BABAM2: variants seen among roughly 807,000 people sequenced by gnomAD.
The protein encoded by BABAM2 is BRISC and BRCA1 A complex member 2.
Under a neutral mutation model 54.7 loss-of-function variants are expected in BABAM2, and 31 were observed. That is an observed-to-expected ratio of 0.57 (90% CI 0.43 to 0.77). BABAM2 has a LOEUF of 0.77. BABAM2 is among the 30% of genes least tolerant of loss of function. The pLI is 0.00. For synonymous variants in BABAM2, 167 were observed against 162.9 expected (o/e 1.03, Z -0.19); for missense variants, 364 against 455.8 (o/e 0.80, Z 1.83).
intron 2 of BABAM2, among the ~76,000 whole-genome samples, chr2:27,921,840 A>G (rs1353721249): frequency 6.6e-6 from 1 of 152,246 alleles, no homozygotes; most frequent in Non-Finnish European, 1.5e-5. Flanking sequence ...AAAACCTTCC[A>G]CAAATAATCA....
intron 11 of BABAM2, among the ~76,000 whole-genome samples, chr2:28,303,222 T>G (rs767717983): frequency 3.3e-5 from 5 of 152,212 alleles, no homozygotes; most frequent in Non-Finnish European, 7.3e-5. Context: ...AAATGAAATC[T>G]GTTTTTTACG....
At chr2:28,263,848 A>C (rs942421401) in intron 10 of BABAM2, among the ~76,000 whole-genome samples, 1 of 152,162 alleles carries the variant, frequency 6.6e-6, no homozygotes, top group African/African-American at 2.4e-5. Context: ...TTGTACTATG[A>C]GTCTTTTGAA....
At chr2:27,918,286 T>A (rs1384648601) in intron 2 of BABAM2, among the ~76,000 whole-genome samples, 1 of 152,194 alleles carries the variant, frequency 6.6e-6, no homozygotes, top group Admixed American at 6.5e-5. Context: ...TTTCTCTGAC[T>A]GTGAATTTGA....
At chr2:28,241,526 G>A (rs569206944) in intron 9 of BABAM2, 133 bp downstream of exon 9, 20 of 790,462 alleles carry the variant, frequency 2.5e-5, no homozygotes, top group Middle Eastern at 2.6e-4. Flanking sequence ...AGACAGTCTC[G>A]CTCTGTCACC....
intron 6 of BABAM2, among the ~76,000 whole-genome samples, chr2:28,124,791 T>C (rs1669364717): frequency 6.6e-6 from 1 of 152,142 alleles, no homozygotes; most frequent in Non-Finnish European, 1.5e-5. Context: ...CCTAAAAATA[T>C]ATTCCAGAGG....
chr2:28,098,367 G>A (rs1240238307), intron 6 of BABAM2, among the ~76,000 whole-genome samples: 3 of 152,152 alleles, frequency 2.0e-5, no homozygotes, highest in Non-Finnish European at 4.4e-5. Context: ...TAGGCTTGTA[G>A]TAGTTTTAGA....
In BABAM2 at chr2:27,928,465, T is replaced by TC. The variant is rs80044726; in HGVS notation, c.129-1367_129-1366insC. ...GCGCCTGGCCACTGTCTGGTTCTTT[T>TC]TCACATTCAAATCGTTTTGGGGAAA... On this transcript the variant is annotated intron_variant, in intron 2 of 11. Transcript: ENST00000379624. Among the ~76,000 whole-genome samples the TC allele has an allele frequency of 1.4e-4, 22 of 151,916 alleles. 1 individual carries two copies. The South Asian group carries it at 3.5e-3, about 24-fold the overall frequency.
intron 7 of BABAM2, among the ~76,000 whole-genome samples, chr2:28,212,958 C>A (rs1029923603): frequency 3.3e-4 from 50 of 152,304 alleles, no homozygotes; most frequent in African/African-American, 1.2e-3. Context: ...GTGGCTCACA[C>A]CTGTAATCCC....
intron 7 of BABAM2, among the ~76,000 whole-genome samples, chr2:28,161,630 A>T (rs1405563132): frequency 6.6e-6 from 1 of 152,090 alleles, no homozygotes; most frequent in African/African-American, 2.4e-5. Flanking sequence ...CCAGCATCTT[A>T]CCCTGAAACC....
chr2:28,335,193 T>A (rs183040261), intron 11 of BABAM2, among the ~76,000 whole-genome samples: 1 of 136,122 alleles, frequency 7.3e-6, no homozygotes, highest in East Asian at 2.2e-4. Context: ...AGACAGAGTC[T>A]GGCTCTGCCG....
intron 4 of BABAM2, among the ~76,000 whole-genome samples, chr2:28,022,526 G>C (rs908132707): frequency 2.6e-5 from 4 of 152,092 alleles, no homozygotes; most frequent in African/African-American, 9.7e-5. Context: ...TTTTGCTTTT[G>C]TTTATTTTCT....
At chr2:28,089,447 C>T (rs1267053687) in intron 6 of BABAM2, among the ~76,000 whole-genome samples, 1 of 152,194 alleles carries the variant, frequency 6.6e-6, no homozygotes, top group Non-Finnish European at 1.5e-5. Context: ...TAAAATACAA[C>T]TTTAGCACCT....
chr2:28,169,775 CAAA>C (rs200601294), intron 7 of BABAM2, among the ~76,000 whole-genome samples: 3 of 100,838 alleles, frequency 3.0e-5, no homozygotes, highest in Non-Finnish European at 4.1e-5. Context: ...GACTCTGTCT[CAAA>C]AAAAAAAAAA....
chr2:27,994,853 A>T (rs1036081948), intron 4 of BABAM2, among the ~76,000 whole-genome samples: 1 of 152,214 alleles, frequency 6.6e-6, no homozygotes, highest in East Asian at 1.9e-4. Flanking sequence ...TATAGATGAT[A>T]GGACAGTTTG....
chr2:28,185,646 G>A (rs1023755683), intron 7 of BABAM2, among the ~76,000 whole-genome samples: 3 of 152,132 alleles, frequency 2.0e-5, no homozygotes, highest in African/African-American at 7.2e-5. Flanking sequence ...CATTAAAAGA[G>A]AGTGAGATGA....
At chr2:28,148,483 C>T (rs1671714802) in intron 7 of BABAM2, among the ~76,000 whole-genome samples, 1 of 152,194 alleles carries the variant, frequency 6.6e-6, no homozygotes, top group African/African-American at 2.4e-5. Flanking sequence ...TGAAGGAGTC[C>T]ATCAAGCCAT....
In BABAM2 at chr2:27,894,669, C is replaced by T. The variant is rs201837586; in HGVS notation, c.113C>T (p.Thr38Ile). ...GATGCTACAAACTGTTTGAGGATAA[C>T]TGACTTAAAATCTGGGTATGTACCA... is the stretch of plus-strand genomic sequence containing the variant. ...GLDATNCLRI[T>I]DLKSGCTSLT... The change falls in exon 2 of 12, where the codon ACT becomes ATT. Residue 38 changes from threonine to isoleucine, a missense_variant. Thr to Ile is a moderately conservative substitution (Grantham distance 89). Transcript: ENST00000379624. The T allele has an allele frequency of 1.9e-5, 31 of 1,614,006 alleles. No homozygotes were observed. Among genetic ancestry groups the T allele is most frequent in the Non-Finnish European group, 5.1e-6 (6 of 1,180,008 alleles).
At chr2:28,180,986 AG>A (rs1675565354) in intron 7 of BABAM2, among the ~76,000 whole-genome samples, 1 of 152,190 alleles carries the variant, frequency 6.6e-6, no homozygotes, top group African/African-American at 2.4e-5. Flanking sequence ...TGCAGAGAAA[AG>A]GGAACCCTTA....
At chr2:28,133,753 G>A (rs1436976610) in intron 7 of BABAM2, among the ~76,000 whole-genome samples, 1 of 152,198 alleles carries the variant, frequency 6.6e-6, no homozygotes, top group Non-Finnish European at 1.5e-5. Context: ...GTCATCATAT[G>A]TAGGAAAAAA....
Sources: allele counts gnomAD v4.1 joint callset (sites outside exome capture counted in the v4.1 genomes callset), GRCh38; gene constraint gnomAD v4.1.1; transcripts MANE v1.5; gene names NCBI Gene and HGNC (gene_info 2026-07-23, HGNC 2026-07-21).